Variants in DDHD1 observed in about 807,000 individuals in gnomAD.
DDHD1 encodes phospholipase DDHD1.
In DDHD1, 49 loss-of-function variants were observed where a neutral mutation model predicts 96.4. That is an observed-to-expected ratio of 0.51 (90% CI 0.40 to 0.64). DDHD1 has a LOEUF of 0.64. Among genes scored for constraint, DDHD1 ranks in the 30% least tolerant of loss-of-function variants. The pLI, the probability that DDHD1 is intolerant of heterozygous loss-of-function variation, is 0.00. For missense variants in DDHD1, 1,106 were observed against 1,161.2 expected (o/e 0.95, Z 0.69); for synonymous variants, 442 against 446.5 (o/e 0.99, Z 0.13).
chr14:53,114,914 A>G (rs775801690), intron 1 of DDHD1, among the ~76,000 whole-genome samples: 1 of 152,202 alleles, frequency 6.6e-6, no homozygotes, highest in Non-Finnish European at 1.5e-5. Context: ...AAGGTGGGTA[A>G]TAACAAACTC....
intron 1 of DDHD1, among the ~76,000 whole-genome samples, chr14:53,111,036 G>C (rs1055872282): frequency 6.6e-6 from 1 of 152,104 alleles, no homozygotes; most frequent in African/African-American, 2.4e-5. Flanking sequence ...TAGGAAGAAC[G>C]GTCTTTATTG....
intron 5 of DDHD1, among the ~76,000 whole-genome samples, chr14:53,073,463 T>C (rs1884699255): frequency 6.6e-6 from 1 of 152,074 alleles, no homozygotes; most frequent in Non-Finnish European, 1.5e-5. Flanking sequence ...TTGTTCCCAC[T>C]ATATCCCTCC....
intron 1 of DDHD1, among the ~76,000 whole-genome samples, chr14:53,107,102 C>T (rs1427526985): frequency 6.6e-6 from 1 of 152,076 alleles, no homozygotes; most frequent in African/African-American, 2.4e-5. Flanking sequence ...GGATACATTC[C>T]AAGACCCCCA....
At chr14:53,110,056 G>T (rs998781025) in intron 1 of DDHD1, among the ~76,000 whole-genome samples, 1 of 152,182 alleles carries the variant, frequency 6.6e-6, no homozygotes, top group African/African-American at 2.4e-5. Flanking sequence ...CCCTATCACA[G>T]TGAATGGAAA....
chr14:53,128,336 A>G (rs1012602208), intron 1 of DDHD1, among the ~76,000 whole-genome samples: 1 of 152,204 alleles, frequency 6.6e-6, no homozygotes, highest in African/African-American at 2.4e-5. Context: ...TTAACAATGG[A>G]AACTTATGTC....
chr14:53,052,628 T>A (rs1882700025), intron 11 of DDHD1: 1 of 152,024 alleles, frequency 6.6e-6, no homozygotes, highest in African/African-American at 2.4e-5. Flanking sequence ...AGCCAAATAA[T>A]TAGTAAAGCA....
chr14:53,100,889 A>G (rs2139710967), intron 2 of DDHD1, among the ~76,000 whole-genome samples: 1 of 152,286 alleles, frequency 6.6e-6, no homozygotes, highest in African/African-American at 2.4e-5. Context: ...TTTTCAGAAT[A>G]TGTAATATTG....
intron 1 of DDHD1, among the ~76,000 whole-genome samples, chr14:53,117,473 C>A (rs906671584): frequency 8.5e-5 from 13 of 152,322 alleles, no homozygotes; most frequent in Admixed American, 8.5e-4. Context: ...TCTTAGCAAC[C>A]GGCAGACCAG....
At chr14:53,093,282 A>G in intron 3 of DDHD1, 34 bp downstream of exon 3, 3 of 1,574,568 alleles carry the variant, frequency 1.9e-6, no homozygotes, top group Non-Finnish European at 2.6e-6. Flanking sequence ...GATTCCCAAA[A>G]TTTTGATAAG....
intron 1 of DDHD1, among the ~76,000 whole-genome samples, chr14:53,120,988 C>G (rs1566584666): frequency 6.6e-6 from 1 of 152,062 alleles, no homozygotes. Flanking sequence ...AATAAACTAT[C>G]ATCAGAGTGA....
chr14:53,095,626 G>A (rs1002914708), intron 2 of DDHD1, among the ~76,000 whole-genome samples: 12 of 152,078 alleles, frequency 7.9e-5, no homozygotes, highest in African/African-American at 2.9e-4. Context: ...TATATCTTCG[G>A]TTCCAAAGAA....
At chr14:53,071,538 A>G (rs942676159) in intron 6 of DDHD1, among the ~76,000 whole-genome samples, 5 of 152,092 alleles carry the variant, frequency 3.3e-5, no homozygotes, top group African/African-American at 9.7e-5. Flanking sequence ...CAAATTTTCA[A>G]TAAACATGTA....
At chr14:53,114,914 A>T (rs775801690) in intron 1 of DDHD1, among the ~76,000 whole-genome samples, 3 of 152,202 alleles carry the variant, frequency 2.0e-5, no homozygotes, top group Non-Finnish European at 4.4e-5. Context: ...AAGGTGGGTA[A>T]TAACAAACTC....
chr14:53,100,829 T>A (rs542945858), intron 2 of DDHD1, among the ~76,000 whole-genome samples: 5 of 152,322 alleles, frequency 3.3e-5, no homozygotes, highest in African/African-American at 1.2e-4. Flanking sequence ...AAGCCTTATG[T>A]GAATAATTCC....
chr14:53,131,875 C>T lies in DDHD1; in HGVS notation c.838+20386G>A, dbSNP rs138466299. Reference sequence around the variant, plus strand: ...CCAAAGCTCAAATTTCTTCCCCAACCGTTACCTACCTCGGCATAATTCTTC... The same window carrying T: ...CCAAAGCTCAAATTTCTTCCCCAACTGTTACCTACCTCGGCATAATTCTTC... On this transcript the variant is annotated intron_variant, in intron 1 of 12. Transcript: ENST00000673822. Among the ~76,000 whole-genome samples, 116 of 152,264 alleles carry T rather than the reference C, an allele frequency of 7.6e-4. 5 individuals carry two copies. In the East Asian group the frequency reaches 0.017, roughly 22 times the overall value.
chr14:53,051,952 TG>T, intron 11 of DDHD1, 25 bp from the exon 12 acceptor site: 1 of 1,538,102 alleles, frequency 6.5e-7, no homozygotes, highest in Non-Finnish European at 8.8e-7. Flanking sequence ...CACAAGATGC[TG>T]TAAAGGGTTG....
intron 1 of DDHD1, among the ~76,000 whole-genome samples, chr14:53,129,513 G>C (rs1296883136): frequency 6.6e-6 from 1 of 152,150 alleles, no homozygotes; most frequent in African/African-American, 2.4e-5. Flanking sequence ...TCACTGCGGG[G>C]ATGCCTGCCT....
At chr14:53,082,682 C>A in intron 4 of DDHD1, among the ~76,000 whole-genome samples, 1 of 150,978 alleles carries the variant, frequency 6.6e-6, no homozygotes, top group African/African-American at 2.4e-5. Context: ...TTTCTTCAAC[C>A]CAGGAGGCGG....
chr14:53,050,145 G>A (rs10131723), intron 12 of DDHD1, among the ~76,000 whole-genome samples: 4,701 of 152,254 alleles, frequency 0.031, 240 homozygotes, highest in African/African-American at 0.1. Context: ...GCTTTCACCT[G>A]GAGAAATCAT....
Sources: gnomAD v4.1 joint callset for allele counts (sites outside exome capture counted in the v4.1 genomes callset) on GRCh38, gnomAD v4.1.1 for gene constraint, MANE v1.5 for transcripts, NCBI Gene and HGNC (gene_info 2026-07-23, HGNC 2026-07-21) for gene names.